Variants in CDH4 observed in about 807,000 individuals in gnomAD.
CDH4 encodes the protein cadherin-4.
A neutral mutation model predicts 86.0 loss-of-function variants in CDH4; 33 were observed. The observed-to-expected ratio is 0.38, with a 90% confidence interval of 0.29 to 0.51. CDH4 has a LOEUF of 0.51. CDH4 is among the 20% of genes least tolerant of loss of function. The pLI, the probability that CDH4 is intolerant of heterozygous loss-of-function variation, is 0.86. For missense variants in CDH4, 1,114 were observed against 1,307.4 expected (o/e 0.85, Z 2.28); for synonymous variants, 555 against 549.4 (o/e 1.01, Z -0.14).
At position 61,497,096 on chromosome 20, in the gene CDH4, C is replaced by T. The variant is rs558161345; in HGVS notation, c.169+242159C>T. The stretch of plus-strand genomic sequence containing the variant: ...ATGGTATTTTTCATATTTTGACTCT[C>T]CACCTGTCTGTGTACTCACAGTGTG... On this transcript the variant is annotated intron_variant, in intron 2 of 15. Coordinates refer to ENST00000614565, the MANE Select transcript of CDH4 (RefSeq NM_001794.5). Among the ~76,000 whole-genome samples the T allele has an allele frequency of 3.3e-5, 5 of 152,086 alleles. No homozygotes were observed. The South Asian group carries it at 1.0e-3, about 32-fold the overall frequency.
At chr20:61,541,122 C>T (rs1428610523) in intron 2 of CDH4, among the ~76,000 whole-genome samples, 1 of 152,180 alleles carries the variant, frequency 6.6e-6, no homozygotes, top group Non-Finnish European at 1.5e-5. Context: ...GTCTCTTCTG[C>T]CCCTCTCCAG....
intron 2 of CDH4, among the ~76,000 whole-genome samples, chr20:61,456,637 T>G (rs992751479): frequency 6.6e-6 from 1 of 152,226 alleles, no homozygotes; most frequent in African/African-American, 2.4e-5. Context: ...GCCATTATAA[T>G]GTGCATAACT....
intron 2 of CDH4, among the ~76,000 whole-genome samples, chr20:61,306,991 C>T (rs2084420726): frequency 6.6e-6 from 1 of 152,126 alleles, no homozygotes; most frequent in South Asian, 2.1e-4. Context: ...AGTTCAGGTT[C>T]TTAACTTTGC....
At chr20:61,931,929 C>G (rs936601382) in intron 13 of CDH4, among the ~76,000 whole-genome samples, 11 of 152,130 alleles carry the variant, frequency 7.2e-5, no homozygotes, top group African/African-American at 2.7e-4. Context: ...TGGAAAGAGC[C>G]CCTCTGAGTG....
At chr20:61,621,338 T>C (rs1421071154) in intron 2 of CDH4, among the ~76,000 whole-genome samples, 2 of 152,250 alleles carry the variant, frequency 1.3e-5, no homozygotes, top group Admixed American at 1.3e-4. Flanking sequence ...CTGTCTCCTC[T>C]GCTGACAGCG....
At chr20:61,768,902 T>C (rs75936354) in intron 3 of CDH4, among the ~76,000 whole-genome samples, 5,390 of 152,304 alleles carry the variant, frequency 0.035, 149 homozygotes, top group East Asian at 0.11. Context: ...AAGGATTTTT[T>C]TAAAAAACGG....
intron 7 of CDH4, among the ~76,000 whole-genome samples, chr20:61,877,352 C>T (rs1201389170): frequency 1.1e-4 from 17 of 151,414 alleles, no homozygotes; most frequent in African/African-American, 2.4e-4. Flanking sequence ...AGACACAGAG[C>T]GGTACCCACC....
rs914155521 is a variant in CDH4 at position 61,259,022 on chromosome 20, G to T, written c.169+4085G>T. 5.9e-5 allele frequency among the ~76,000 whole-genome samples: 9 copies of T among 152,288 alleles called. No individual in the cohort carries two copies. In the South Asian group the frequency reaches 1.9e-3, roughly 32 times the overall value. On this transcript the variant is annotated intron_variant, in intron 2 of 15. Transcript: ENST00000614565. ...TAGATCCATTATAATCCATCACATG[G>T]TAGGTGTCCAAATTGCTCGTCTCAG...
chr20:61,395,563 T>G (rs2085012188), intron 2 of CDH4, among the ~76,000 whole-genome samples: 1 of 152,124 alleles, frequency 6.6e-6, no homozygotes, highest in South Asian at 2.1e-4. Context: ...GAGGATCTCT[T>G]GAGCACAGGA....
chr20:61,458,725 TGTG>T (rs757557125), intron 2 of CDH4, among the ~76,000 whole-genome samples: 4 of 151,802 alleles, frequency 2.6e-5, no homozygotes, highest in South Asian at 2.1e-4. Context: ...AAGACGGTGA[TGTG>T]GTAGCAGTGG....
Position 61,651,972 on chromosome 20 carries a change from G to A in CDH4, c.170-91591G>A, listed in dbSNP as rs1271641772. Among the ~76,000 whole-genome samples, 13 of 152,324 alleles carry A rather than the reference G, an allele frequency of 8.5e-5. No homozygotes were observed. In the East Asian group the frequency reaches 1.5e-3, roughly 18 times the overall value. On this transcript the variant is annotated intron_variant, in intron 2 of 15. Coordinates refer to ENST00000614565, the MANE Select transcript of CDH4 (RefSeq NM_001794.5). ...ATAGAAAGTCACAGGGGAGAGGAGA[G>A]TCCCGCAGGAGGAGGTGATGGACCC...
intron 2 of CDH4, among the ~76,000 whole-genome samples, chr20:61,626,760 A>G (rs1309592991): frequency 6.6e-6 from 1 of 152,182 alleles, no homozygotes; most frequent in African/African-American, 2.4e-5. Context: ...ACCTCCACCT[A>G]TAGATTTTAG....
At chr20:61,609,134 C>T (rs952892201) in intron 2 of CDH4, among the ~76,000 whole-genome samples, 7 of 152,206 alleles carry the variant, frequency 4.6e-5, no homozygotes, top group African/African-American at 1.4e-4. Flanking sequence ...TGTGGCATAA[C>T]ATTAGTGCAA....
intron 4 of CDH4, among the ~76,000 whole-genome samples, chr20:61,780,127 G>A (rs1978460645): frequency 6.6e-6 from 1 of 152,176 alleles, no homozygotes; most frequent in African/African-American, 2.4e-5. Flanking sequence ...TGCCCCACAG[G>A]TTTCATGAGC....
At chr20:61,670,737 G>A (rs939782205) in intron 2 of CDH4, among the ~76,000 whole-genome samples, 8 of 152,196 alleles carry the variant, frequency 5.3e-5, no homozygotes, top group Non-Finnish European at 1.2e-4. Flanking sequence ...TATGGGTGGG[G>A]CCCAGGGTGT....
intron 2 of CDH4, among the ~76,000 whole-genome samples, chr20:61,549,017 C>T (rs966589962): frequency 6.6e-6 from 1 of 151,410 alleles, no homozygotes; most frequent in Non-Finnish European, 1.5e-5. Context: ...GCCTTTGGGA[C>T]GGAGGGAATG....
chr20:61,336,823 G>A (rs1409576973), intron 2 of CDH4, among the ~76,000 whole-genome samples: 1 of 152,180 alleles, frequency 6.6e-6, no homozygotes, highest in Non-Finnish European at 1.5e-5. Context: ...GAAGGACTGA[G>A]ACGTGTTCCT....
chr20:61,256,352 T>G (rs575620170), intron 2 of CDH4, among the ~76,000 whole-genome samples: 1 of 152,354 alleles, frequency 6.6e-6, no homozygotes, highest in South Asian at 2.1e-4. Context: ...TCCATTTTAC[T>G]CAGGCACTTC....
intron 2 of CDH4, chr20:61,739,049 A>G (rs567479312): frequency 1.3e-5 from 2 of 152,326 alleles, no homozygotes; most frequent in East Asian, 1.9e-4. Context: ...TCGAGGGAAA[A>G]GTTTTCTGGG....
Sources: allele counts gnomAD v4.1 joint callset (sites outside exome capture counted in the v4.1 genomes callset), GRCh38; gene constraint gnomAD v4.1.1; transcripts MANE v1.5; gene names NCBI Gene and HGNC (gene_info 2026-07-23, HGNC 2026-07-21).